CAMK1D: variants seen among roughly 807,000 people sequenced by gnomAD.
CAMK1D encodes calcium/calmodulin dependent protein kinase ID.
Under a neutral mutation model 47.7 loss-of-function variants are expected in CAMK1D, and 9 were observed. That is an observed-to-expected ratio of 0.19 (90% CI 0.11 to 0.33). The LOEUF is 0.33. Among genes scored for constraint, CAMK1D ranks in the 10% least tolerant of loss-of-function variants. CAMK1D has a pLI of 1.00. For synonymous variants in CAMK1D, 184 were observed against 184.9 expected (o/e 0.99, Z 0.04); for missense variants, 291 against 488.7 (o/e 0.60, Z 3.81).
intron 2 of CAMK1D, among the ~76,000 whole-genome samples, chr10:12,628,089 AC>A (rs202180188): frequency 0.011 from 1,436 of 134,350 alleles, 37 homozygotes; most frequent in African/African-American, 0.032. Flanking sequence ...TCAAAAAAAA[AC>A]AAAAAACAAA....
chr10:12,629,679 C>T (rs1484652636), intron 2 of CAMK1D, among the ~76,000 whole-genome samples: 2 of 152,200 alleles, frequency 1.3e-5, no homozygotes, highest in African/African-American at 2.4e-5. Context: ...CTGTAATTCT[C>T]ACAATATCCA....
intron 2 of CAMK1D, among the ~76,000 whole-genome samples, chr10:12,656,452 A>G (rs1840117346): frequency 6.6e-6 from 1 of 152,158 alleles, no homozygotes; most frequent in South Asian, 2.1e-4. Flanking sequence ...AAACCACACC[A>G]CTGCGCTCCA....
intron 1 of CAMK1D, among the ~76,000 whole-genome samples, chr10:12,479,343 C>T (rs568239148): frequency 8.6e-4 from 131 of 152,160 alleles, no homozygotes; most frequent in Admixed American, 1.6e-3. Context: ...ATTGCAGGTG[C>T]GCACCACCAC....
intron 1 of CAMK1D, among the ~76,000 whole-genome samples, chr10:12,484,364 A>G (rs1006779278): frequency 2.0e-5 from 3 of 152,350 alleles, no homozygotes; most frequent in Non-Finnish European, 2.9e-5. Context: ...AGGAGGGCCA[A>G]TTACAGGAGA....
At chr10:12,777,712 C>T (rs1588914772) in intron 5 of CAMK1D, among the ~76,000 whole-genome samples, 2 of 152,100 alleles carry the variant, frequency 1.3e-5, no homozygotes, top group African/African-American at 4.8e-5. Context: ...GCCCTGTGGT[C>T]AGAGGAATGG....
chr10:12,409,429 GC>G (rs1839576156), intron 1 of CAMK1D, among the ~76,000 whole-genome samples: 1 of 152,180 alleles, frequency 6.6e-6, no homozygotes, highest in African/African-American at 2.4e-5. Context: ...TGGTCAGGAA[GC>G]CCCCAGTGCT....
At chr10:12,649,082 G>A (rs1839889389) in intron 2 of CAMK1D, among the ~76,000 whole-genome samples, 1 of 152,116 alleles carries the variant, frequency 6.6e-6, no homozygotes, top group Non-Finnish European at 1.5e-5. Flanking sequence ...TGCCCAGGCT[G>A]GTCTTGACCT....
At chr10:12,768,371 T>C (rs1357037672) in intron 4 of CAMK1D, among the ~76,000 whole-genome samples, 1 of 152,176 alleles carries the variant, frequency 6.6e-6, no homozygotes, top group Non-Finnish European at 1.5e-5. Flanking sequence ...TTTCACACTC[T>C]ACATAAGAAT....
At chr10:12,494,859 G>A (rs1439713529) in intron 1 of CAMK1D, among the ~76,000 whole-genome samples, 1 of 152,108 alleles carries the variant, frequency 6.6e-6, no homozygotes, top group African/African-American at 2.4e-5. Flanking sequence ...GTGAACCACT[G>A]TGCCCAGCCT....
intron 3 of CAMK1D, among the ~76,000 whole-genome samples, chr10:12,731,901 C>G (rs1023629725): frequency 6.6e-6 from 1 of 151,940 alleles, no homozygotes; most frequent in Non-Finnish European, 1.5e-5. Flanking sequence ...GACCACAAAC[C>G]CGAATGGACG....
intron 1 of CAMK1D, among the ~76,000 whole-genome samples, chr10:12,362,597 C>T (rs907936627): frequency 2.0e-5 from 3 of 151,788 alleles, no homozygotes; most frequent in South Asian, 2.1e-4. Flanking sequence ...TCCCGGGTTC[C>T]CGCCATTCTC....
chr10:12,588,787 T>TAC lies in CAMK1D; in HGVS notation c.224+35432_224+35433insCA, dbSNP rs546767649. Among the ~76,000 whole-genome samples, 946 of 149,814 alleles carry TAC rather than the reference T, an allele frequency of 6.3e-3. 7 individuals carry two copies. Among genetic ancestry groups the TAC allele is most frequent in the South Asian group, 0.038 (178 of 4,722 alleles). On this transcript the variant is annotated intron_variant, in intron 2 of 10. Transcript: ENST00000619168. ...AATTTAAAGTGCATATGTATATATA[T>TAC]ATACACACACACACACACACACATA...
At chr10:12,621,145 G>C (rs1838984685) in intron 2 of CAMK1D, among the ~76,000 whole-genome samples, 1 of 152,190 alleles carries the variant, frequency 6.6e-6, no homozygotes. Flanking sequence ...TGTTCCATCA[G>C]TCTGTGTGTC....
intron 4 of CAMK1D, among the ~76,000 whole-genome samples, chr10:12,768,253 C>A (rs993331769): frequency 6.6e-6 from 1 of 152,132 alleles, no homozygotes; most frequent in African/African-American, 2.4e-5. Flanking sequence ...GCTTTTTTAT[C>A]TTTGTAGCTA....
chr10:12,531,107 A>G (rs2768463), intron 1 of CAMK1D, among the ~76,000 whole-genome samples: 50,609 of 151,570 alleles, frequency 0.33, 8,606 homozygotes, highest in South Asian at 0.4. Flanking sequence ...ATTAATTTGA[A>G]CACAGGCTTC....
intron 5 of CAMK1D, among the ~76,000 whole-genome samples, chr10:12,783,374 G>A (rs775663804): frequency 3.3e-5 from 5 of 152,170 alleles, no homozygotes; most frequent in South Asian, 4.1e-4. Context: ...ATGTGTCACC[G>A]TCCTCCGCCC....
chr10:12,400,771 G>A (rs1158960583), intron 1 of CAMK1D, among the ~76,000 whole-genome samples: 3 of 151,458 alleles, frequency 2.0e-5, no homozygotes, highest in African/African-American at 7.3e-5. Context: ...CAGGAAATGC[G>A]TTCTTCTGGT....
chr10:12,753,500 T>G (rs938636815), intron 3 of CAMK1D, among the ~76,000 whole-genome samples: 2 of 152,354 alleles, frequency 1.3e-5, no homozygotes, highest in South Asian at 2.1e-4. Flanking sequence ...TATAGAGAGA[T>G]ATCTAATTAA....
At chr10:12,682,965 A>G (rs1350296938) in intron 3 of CAMK1D, among the ~76,000 whole-genome samples, 3 of 151,726 alleles carry the variant, frequency 2.0e-5, no homozygotes, top group Non-Finnish European at 4.4e-5. Context: ...TCTATCTCCT[A>G]GGCTGGAATG....
Sources: allele counts gnomAD v4.1 joint callset (sites outside exome capture counted in the v4.1 genomes callset), GRCh38; gene constraint gnomAD v4.1.1; transcripts MANE v1.5; gene names NCBI Gene and HGNC (gene_info 2026-07-23, HGNC 2026-07-21).